The following HPSE2 variants were observed in gnomAD, a reference collection of about 807,000 sequenced individuals.
The protein encoded by HPSE2 is inactive heparanase-2.
Under a neutral mutation model 60.5 loss-of-function variants are expected in HPSE2, and 38 were observed. The observed-to-expected ratio is 0.63, with a 90% CI of 0.48 to 0.82. The LOEUF (loss-of-function observed/expected upper bound fraction) is 0.82. Ranked by LOEUF, HPSE2 falls within the 40% of genes least tolerant of loss-of-function variation. The probability of loss-of-function intolerance (pLI) is 0.00; values close to 1 mark genes in which losing one functional copy is unlikely to be tolerated. For missense variants in HPSE2, 713 were observed against 740.4 expected (o/e 0.96, Z 0.43); for synonymous variants, 295 against 293.2 (o/e 1.01, Z -0.06).
At chr10:99,067,860 T>C (rs181767403) in intron 3 of HPSE2, among the ~76,000 whole-genome samples, 1 of 152,374 alleles carries the variant, frequency 6.6e-6, no homozygotes, top group Admixed American at 6.5e-5. Flanking sequence ...AATGGGTTTT[T>C]CTTTTCTATT....
At position 98,730,377 on chromosome 10, in the gene HPSE2, C is replaced by A. The variant is rs11528127; in HGVS notation, c.785-8549G>T. ...CTTAGGTGCCTATATTAGAAATGAACAAAGATCTCAAATCAATAACCTAAG... is the reference window on the plus strand; with the variant it reads ...CTTAGGTGCCTATATTAGAAATGAAAAAAGATCTCAAATCAATAACCTAAG... On this transcript the variant is annotated intron_variant, in intron 4 of 11. Transcript: ENST00000370552. Among the ~76,000 whole-genome samples, 130 of 151,658 alleles carry A rather than the reference C, an allele frequency of 8.6e-4. No homozygotes were observed. In the East Asian group the frequency reaches 0.023, roughly 27 times the overall value.
intron 3 of HPSE2, among the ~76,000 whole-genome samples, chr10:98,798,764 T>G (rs1360776725): frequency 6.6e-6 from 1 of 152,016 alleles, no homozygotes; most frequent in Non-Finnish European, 1.5e-5. Context: ...GCTATTAAAT[T>G]GTATCACCAG....
At chr10:99,268,752 C>T in the HPSE2 span, among the ~76,000 whole-genome samples, 1 of 151,790 alleles carries the variant, frequency 6.6e-6, no homozygotes, top group South Asian at 2.1e-4. Context: ...ACAAGGTATT[C>T]AGGCAACAAA....
intron 3 of HPSE2, among the ~76,000 whole-genome samples, chr10:99,020,757 T>G (rs560414926): frequency 2.0e-5 from 3 of 152,308 alleles, no homozygotes; most frequent in African/African-American, 7.2e-5. Flanking sequence ...TAGCCTTTCA[T>G]GATCCCTACC....
At chr10:99,281,250 AAT>A in the HPSE2 span, among the ~76,000 whole-genome samples, 84 of 148,390 alleles carry the variant, frequency 5.7e-4, no homozygotes, top group Admixed American at 1.7e-3. Flanking sequence ...TGCCTATATT[AAT>A]ATATAATAAT....
intron 5 of HPSE2, among the ~76,000 whole-genome samples, chr10:98,717,636 C>A (rs1387107993): frequency 6.6e-6 from 1 of 152,024 alleles, no homozygotes; most frequent in African/African-American, 2.4e-5. Flanking sequence ...GCAGACAGAA[C>A]ACACATTTGT....
At chr10:99,147,415 GT>G (rs774500131) in intron 2 of HPSE2, among the ~76,000 whole-genome samples, 2 of 152,016 alleles carry the variant, frequency 1.3e-5, no homozygotes, top group Non-Finnish European at 2.9e-5. Context: ...GTGAAGGAGA[GT>G]TTCAATTACC....
At chr10:98,994,239 GAGA>G (rs1199836570) in intron 3 of HPSE2, among the ~76,000 whole-genome samples, 1 of 152,158 alleles carries the variant, frequency 6.6e-6, no homozygotes, top group Non-Finnish European at 1.5e-5. Context: ...AAGCAGCATG[GAGA>G]AGAAGCTGTG....
At chr10:98,678,065 T>A (rs1464666505) in intron 6 of HPSE2, among the ~76,000 whole-genome samples, 1 of 152,208 alleles carries the variant, frequency 6.6e-6, no homozygotes, top group Admixed American at 6.5e-5. Context: ...CACCATATTT[T>A]GTTTTTCTGC....
chr10:98,819,842 G>A (rs1313093408), intron 3 of HPSE2, among the ~76,000 whole-genome samples: 1 of 151,976 alleles, frequency 6.6e-6, no homozygotes, highest in Non-Finnish European at 1.5e-5. Flanking sequence ...GGAATCTTGT[G>A]GCGCCTAGTA....
chr10:98,466,505 G>A (rs1368310222), intron 11 of HPSE2, among the ~76,000 whole-genome samples: 1 of 151,946 alleles, frequency 6.6e-6, no homozygotes, highest in African/African-American at 2.4e-5. Flanking sequence ...CAGCTACTCA[G>A]GAGGCTGAGG....
intron 3 of HPSE2, among the ~76,000 whole-genome samples, chr10:99,016,526 A>G (rs1311446344): frequency 6.6e-6 from 1 of 152,078 alleles, no homozygotes; most frequent in Non-Finnish European, 1.5e-5. Flanking sequence ...TTTTGGTTCC[A>G]TATGAATTTT....
At chr10:98,484,221 CCTTCCTTTTTTCTTTCCTTT>C (rs929060298) in intron 10 of HPSE2, among the ~76,000 whole-genome samples, 5 of 151,790 alleles carry the variant, frequency 3.3e-5, no homozygotes, top group Non-Finnish European at 7.4e-5. Flanking sequence ...GTCCTTCCTT[CCTTCCTTTTTTCTTTCCTTT>C]CTTCCTTCCT....
chr10:98,921,815 T>C (rs571083980), intron 3 of HPSE2, among the ~76,000 whole-genome samples: 25 of 152,202 alleles, frequency 1.6e-4, no homozygotes, highest in African/African-American at 5.5e-4. Flanking sequence ...TAGGTGAATA[T>C]CTTTCATGGA....
intron 11 of HPSE2, among the ~76,000 whole-genome samples, chr10:98,466,005 G>T (rs1353763142): frequency 1.4e-4 from 22 of 152,136 alleles, no homozygotes; most frequent in Admixed American, 1.4e-3. Context: ...CTCCATGGGA[G>T]CCCCTTGGCC....
intron 9 of HPSE2, among the ~76,000 whole-genome samples, chr10:98,594,698 C>T (rs1010901887): frequency 6.6e-6 from 1 of 152,118 alleles, no homozygotes; most frequent in Admixed American, 6.5e-5. Context: ...TTTATCCATT[C>T]ATCTGTTGAT....
intron 9 of HPSE2, among the ~76,000 whole-genome samples, chr10:98,599,363 G>A (rs634570): frequency 0.92 from 139,498 of 152,200 alleles, 64,814 homozygotes; most frequent in East Asian, 1. Flanking sequence ...TGCAGGGGTG[G>A]TTTGGATACT....
chr10:98,723,507 T>C (rs1210237691), intron 4 of HPSE2, among the ~76,000 whole-genome samples: 1 of 152,200 alleles, frequency 6.6e-6, no homozygotes, highest in Non-Finnish European at 1.5e-5. Context: ...TTCCCTCTTT[T>C]TCTATTGATT....
At chr10:98,855,834 G>T (rs867986438) in intron 3 of HPSE2, among the ~76,000 whole-genome samples, 5 of 152,172 alleles carry the variant, frequency 3.3e-5, no homozygotes, top group Non-Finnish European at 7.3e-5. Flanking sequence ...GGAGTCAAGA[G>T]TGTGAAGGAA....
Sources: allele counts gnomAD v4.1 joint callset (sites outside exome capture counted in the v4.1 genomes callset), GRCh38; gene constraint gnomAD v4.1.1; transcripts MANE v1.5; gene names NCBI Gene and HGNC (gene_info 2026-07-23, HGNC 2026-07-21).